Variants in UGT1A9 observed in about 807,000 individuals in gnomAD.
The protein encoded by UGT1A9 is UDP-glucuronosyltransferase 1A9.
UGT1A9 carries 35 observed loss-of-function variants against 45.0 expected under a neutral mutation model. The observed-to-expected ratio is 0.78, with a 90% confidence interval of 0.59 to 1.03. The LOEUF is 1.03. UGT1A9 is among the 50% of genes least tolerant of loss of function. The pLI, the probability that UGT1A9 is intolerant of heterozygous loss-of-function variation, is 0.00. For missense variants in UGT1A9, 687 were observed against 666.6 expected, an observed-to-expected ratio of 1.03 and a Z score of -0.34; for synonymous variants, 278 against 250.6, an observed-to-expected ratio of 1.11 and a Z score of -1.03.
intron 1 of UGT1A9, among the ~76,000 whole-genome samples, chr2:233,687,208 T>C (rs573198155): frequency 3.3e-5 from 5 of 152,306 alleles, no homozygotes; most frequent in Non-Finnish European, 5.9e-5. Flanking sequence ...GTGGGTGATA[T>C]GCATTTTCCA....
chr2:233,688,463 T>A (rs1329783133), intron 1 of UGT1A9, among the ~76,000 whole-genome samples: 1 of 152,198 alleles, frequency 6.6e-6, no homozygotes, highest in Non-Finnish European at 1.5e-5. Flanking sequence ...AGGAAACTTC[T>A]TGGGAAATGT....
chr2:233,751,459 G>A (rs1297643220), intron 1 of UGT1A9, among the ~76,000 whole-genome samples: 1 of 152,208 alleles, frequency 6.6e-6, no homozygotes, highest in East Asian at 1.9e-4. Context: ...TTGTTGGGAA[G>A]GCACGATTGG....
In UGT1A9 at chr2:233,750,001, G is replaced by A. The variant is rs1213744454; in HGVS notation, c.856-17033G>A. On this transcript the variant is annotated intron_variant, in intron 1 of 4. Coordinates refer to ENST00000354728, the MANE Select transcript of UGT1A9 (RefSeq NM_021027.3). ...TGAGAATGGACTAATATATTAAATTGGTGCCATGGAGAGTGGAGTACTGCT... is the reference window on the plus strand; with the variant it reads ...TGAGAATGGACTAATATATTAAATTAGTGCCATGGAGAGTGGAGTACTGCT... Among the ~76,000 whole-genome samples the A allele has an allele frequency of 7.9e-5, 12 of 151,794 alleles. 1 individual carries two copies. Among genetic ancestry groups the A allele is most frequent in the African/African-American group, 2.7e-4 (11 of 41,062 alleles).
chr2:233,764,498 G>T (rs1372261378), intron 1 of UGT1A9, among the ~76,000 whole-genome samples: 1 of 152,176 alleles, frequency 6.6e-6, no homozygotes, highest in East Asian at 1.9e-4. Context: ...TGGACCTGTG[G>T]GTTCAATTTT....
intron 1 of UGT1A9, chr2:233,747,639 G>A: frequency 6.3e-7 from 1 of 1,582,892 alleles, no homozygotes; most frequent in East Asian, 2.2e-5. Context: ...GCACCTGAAT[G>A]CTACTTCCTT....
At chr2:233,753,812 C>G (rs1215022778) in intron 1 of UGT1A9, among the ~76,000 whole-genome samples, 1 of 152,152 alleles carries the variant, frequency 6.6e-6, no homozygotes, top group Non-Finnish European at 1.5e-5. Flanking sequence ...AGTTGGAGAA[C>G]CACGTTAGGG....
intron 1 of UGT1A9, chr2:233,755,168 T>C (rs1695794635): frequency 1.6e-6 from 2 of 1,266,444 alleles, no homozygotes; most frequent in Non-Finnish European, 1.1e-6. Flanking sequence ...CCTCGGGGTT[T>C]TTGTCGGGGT....
Position 233,747,455 on chromosome 2 carries a change from C to T in UGT1A9, c.856-19579C>T, listed in dbSNP as rs545965821. Reference sequence around the variant, plus strand: ...AATTTTTCACCCTGACAACCTATGCCATTTCATGGACCCAGGATGAATTTG... The same window carrying T: ...AATTTTTCACCCTGACAACCTATGCTATTTCATGGACCCAGGATGAATTTG... On this transcript the variant is annotated intron_variant, in intron 1 of 4. Coordinates refer to ENST00000354728, the MANE Select transcript of UGT1A9 (RefSeq NM_021027.3). 52 of 1,608,866 alleles carry T rather than the reference C, an allele frequency of 3.2e-5. 1 individual carries two copies. Among genetic ancestry groups the T allele is most frequent in the Admixed American group, 5.0e-5 (3 of 60,014 alleles).
intron 1 of UGT1A9, among the ~76,000 whole-genome samples, chr2:233,739,715 G>A (rs1691183669): frequency 1.3e-5 from 2 of 152,136 alleles, no homozygotes; most frequent in Admixed American, 6.5e-5. Context: ...TGGGGGAAGG[G>A]ACTTGACTTG....
At chr2:233,690,433 G>A (rs2125544985) in intron 1 of UGT1A9, 2 of 1,264,100 alleles carry the variant, frequency 1.6e-6, no homozygotes, top group South Asian at 2.5e-5. Context: ...CACATCTTTG[G>A]GTCTCTCCTC....
At chr2:233,737,647 C>G (rs1413488043) in intron 1 of UGT1A9, among the ~76,000 whole-genome samples, 1 of 152,204 alleles carries the variant, frequency 6.6e-6, no homozygotes, top group Non-Finnish European at 1.5e-5. Flanking sequence ...GTCGATCATG[C>G]TGGGAGCTGC....
At chr2:233,765,043 G>A (rs987996173) in intron 1 of UGT1A9, among the ~76,000 whole-genome samples, 14 of 152,044 alleles carry the variant, frequency 9.2e-5, no homozygotes, top group Admixed American at 4.6e-4. Flanking sequence ...TGCAAATTGC[G>A]TTTGCTGAGC....
In UGT1A9 at chr2:233,747,491, G is replaced by C. The variant is rs1270962387; in HGVS notation, c.856-19543G>C. 1.3e-5 allele frequency: 21 copies of C among 1,608,968 alleles called. No individual in the cohort carries two copies. The East Asian group carries it at 2.7e-4, about 20-fold the overall frequency. On this transcript the variant is annotated intron_variant, in intron 1 of 4. Transcript: ENST00000354728. The stretch of plus-strand genomic sequence containing the variant: ...CCCAGGATGAATTTGATCGCCTTGT[G>C]CTGGGCCACACTCAACTGTACTTTG...
chr2:233,680,999 A>G (rs1458336513), intron 1 of UGT1A9, among the ~76,000 whole-genome samples: 2 of 152,074 alleles, frequency 1.3e-5, no homozygotes, highest in African/African-American at 2.4e-5. Flanking sequence ...ATCTCATTAC[A>G]GCATTTCAGA....
At chr2:233,758,753 G>A (rs1048074282) in intron 1 of UGT1A9, among the ~76,000 whole-genome samples, 17 of 152,318 alleles carry the variant, frequency 1.1e-4, no homozygotes, top group Middle Eastern at 6.8e-3. Flanking sequence ...GCTGGCCAGT[G>A]ATGTGTATGG....
intron 1 of UGT1A9, chr2:233,691,515 G>A: frequency 3.0e-6 from 3 of 985,716 alleles, no homozygotes; most frequent in Non-Finnish European, 2.4e-6. Context: ...TGCCAGCCAG[G>A]TGTGCATGAC....
At chr2:233,691,098 G>A (rs576470631) in intron 1 of UGT1A9, 8 of 986,052 alleles carry the variant, frequency 8.1e-6, no homozygotes, top group African/African-American at 1.7e-5. Context: ...TCTTGATCCC[G>A]CTATTCCTAC....
In UGT1A9 at chr2:233,772,667, T is replaced by A; in HGVS notation, c.*108T>A. 1 of 1,538,078 alleles carries A rather than the reference T, an allele frequency of 6.5e-7. No individual in the cohort carries two copies. Among genetic ancestry groups the A allele is most frequent in the East Asian group, 2.4e-5 (1 of 40,984 alleles). Reference sequence around the variant, plus strand: ...TTTTATTCTTATTAAGGAAATACTTTGCATAAATTAATCAGCCCCAGAGTG... The same window carrying A: ...TTTTATTCTTATTAAGGAAATACTTAGCATAAATTAATCAGCCCCAGAGTG... On this transcript the variant is annotated 3_prime_UTR_variant, in exon 5 of 5. Coordinates refer to ENST00000354728, the MANE Select transcript of UGT1A9 (RefSeq NM_021027.3).
chr2:233,692,758 C>G (rs932317185), intron 1 of UGT1A9: 26 of 1,183,656 alleles, frequency 2.2e-5, no homozygotes, highest in Non-Finnish European at 2.8e-5. Context: ...ACTTGTGGAG[C>G]TGAAGAGAAA....
Sources: gnomAD v4.1 joint callset for allele counts (sites outside exome capture counted in the v4.1 genomes callset) on GRCh38, gnomAD v4.1.1 for gene constraint, MANE v1.5 for transcripts, NCBI Gene and HGNC (gene_info 2026-07-23, HGNC 2026-07-21) for gene names.